SUPT5H: variants seen among roughly 807,000 people sequenced by gnomAD.
The protein encoded by SUPT5H is SPT5 homolog, DSIF elongation factor subunit, also known as transcription elongation factor SPT5.
SUPT5H carries 24 observed loss-of-function variants against 142.5 expected under a neutral mutation model. That is an observed-to-expected ratio of 0.17 (90% CI 0.12 to 0.24). SUPT5H has a LOEUF of 0.24. Ranked by LOEUF, SUPT5H falls within the 10% of genes least tolerant of loss-of-function variation. The probability of loss-of-function intolerance (pLI) is 1.00; values close to 1 mark genes in which losing one functional copy is unlikely to be tolerated. For missense variants in SUPT5H, 893 were observed against 1,471.8 expected, an observed-to-expected ratio of 0.61 and a Z score of 6.43; for synonymous variants, 546 against 553.0, an observed-to-expected ratio of 0.99 and a Z score of 0.18.
intron 10 of SUPT5H, among the ~76,000 whole-genome samples, chr19:39,463,520 A>G (rs554073102): frequency 3.3e-5 from 5 of 152,202 alleles, no homozygotes; most frequent in Non-Finnish European, 5.9e-5. Context: ...TTTATGGCCT[A>G]ACCTGTGGTT....
At position 39,476,506 on chromosome 19, in the gene SUPT5H, G is replaced by T; in HGVS notation, c.*107G>T. The T allele has an allele frequency of 7.1e-7, 1 of 1,418,008 alleles. No individual in the cohort carries two copies. 87.8% of individuals were successfully genotyped at this position (1,418,008 alleles called of 1,614,324 possible). A position where few individuals can be genotyped will look rare whatever the true frequency, so the allele number is the denominator to read the frequency against. ...CCTGCAGGGCTAGGCGGATTGTTCT[G>T]GATTTCCTTTTGTTTTTCCTTTTAG... is the stretch of plus-strand genomic sequence containing the variant. On this transcript the variant is annotated 3_prime_UTR_variant, in exon 30 of 30. Coordinates refer to ENST00000432763, the MANE Select transcript of SUPT5H (RefSeq NM_001111020.3).
At chr19:39,471,316 C>G in intron 18 of SUPT5H, 41 bp from the exon 19 acceptor site, 3 of 1,613,358 alleles carry the variant, frequency 1.9e-6, no homozygotes, top group Middle Eastern at 3.3e-4. Context: ...GTCTCCCCTT[C>G]CCATTCTCAC....
In SUPT5H at chr19:39,458,490, G is replaced by T; in HGVS notation, c.319+185G>T. 1 of 1,094,082 alleles carries T rather than the reference G, an allele frequency of 9.1e-7. No homozygotes were observed. Among genetic ancestry groups the T allele is most frequent in the Non-Finnish European group, 1.3e-6 (1 of 761,092 alleles). The allele number at this position is 1,094,082 out of a possible 1,614,324, so 67.8% of individuals were successfully genotyped here. On this transcript the variant is annotated intron_variant, in intron 5 of 29. Transcript: ENST00000432763. The surrounding 1 kb of genome is among the most constrained non-coding windows in gnomAD (Gnocchi z 4.2). ...CAGGTATACCCCAGTTGTTGACCTG[G>T]GAAAGCACGGATGTGTCTGTCTGGG...
chr19:39,469,802 C>T lies in SUPT5H; in HGVS notation c.1375-317C>T, dbSNP rs765966617. 27 of 464,832 alleles carry T rather than the reference C, an allele frequency of 5.8e-5. No homozygotes were observed. The highest frequency in any genetic ancestry group is 9.6e-5 in the South Asian group (4 of 41,804). 28.8% of individuals were successfully genotyped at this position (464,832 alleles called of 1,614,324 possible). A position where few individuals can be genotyped will look rare whatever the true frequency, so the allele number is the denominator to read the frequency against. ...GTGATGTGTGGGGTGAGGCTGTCTC[C>T]GGGTGGGGCTGAGGAGCTGTCCAGT... is the stretch of plus-strand genomic sequence containing the variant. On this transcript the variant is annotated intron_variant, in intron 16 of 29. Coordinates refer to ENST00000432763, the MANE Select transcript of SUPT5H (RefSeq NM_001111020.3). This position sits in a 1 kb window ranked among gnomAD's most constrained non-coding sequence, Gnocchi z 5.1.
Position 39,470,591 on chromosome 19 carries a change from C to G in SUPT5H, c.1677+68C>G. The G allele has an allele frequency of 1.4e-6, 2 of 1,448,768 alleles. No homozygotes were observed. The highest frequency in any genetic ancestry group is 1.8e-6 in the Non-Finnish European group (2 of 1,096,058). The allele number at this position is 1,448,768 out of a possible 1,614,324, so 89.7% of individuals were successfully genotyped here. Reference sequence around the variant, plus strand: ...GCTTCCTGTCCCTCAACCCCTCATCCTGGGAGGTGGCAGAGCCCCCAGACT... The same window carrying G: ...GCTTCCTGTCCCTCAACCCCTCATCGTGGGAGGTGGCAGAGCCCCCAGACT... On this transcript the variant is annotated intron_variant, in intron 18 of 29. Transcript: ENST00000432763. The surrounding 1 kb of genome is among the most constrained non-coding windows in gnomAD (Gnocchi z 5.8).
intron 28 of SUPT5H, 160 bp from the exon 29 acceptor site, chr19:39,475,921 A>G: frequency 1.5e-6 from 1 of 647,334 alleles, no homozygotes; most frequent in Non-Finnish European, 2.7e-6. Context: ...GACATGCACC[A>G]CAGGCCCCAG....
chr19:39,468,927 G>T, intron 14 of SUPT5H, 66 bp downstream of exon 14: 4 of 1,564,290 alleles, frequency 2.6e-6, no homozygotes, highest in East Asian at 2.2e-5. Context: ...GTGATGCCCT[G>T]GGCTGTGGGT....
At chr19:39,462,632 C>A (rs2079177814) in intron 10 of SUPT5H, among the ~76,000 whole-genome samples, 2 of 152,046 alleles carry the variant, frequency 1.3e-5, no homozygotes, top group South Asian at 4.2e-4. Flanking sequence ...CCAGGCTCAA[C>A]TGATTCTCCT....
chr19:39,445,908 C>G lies in SUPT5H; in HGVS notation c.18C>G (p.Asp6Glu), dbSNP rs1166907346. 6 of 1,613,582 alleles carry G rather than the reference C, an allele frequency of 3.7e-6. No individual in the cohort carries two copies. The Admixed American group carries it at 1.0e-4, about 27-fold the overall frequency. Residue 6 changes from aspartate (D) to glutamate (E), a missense_variant, in exon 2 of 30, where the codon GAC becomes GAG. Asp to Glu is a conservative substitution (Grantham distance 45, BLOSUM62 2). Transcript: ENST00000432763. ...AGCGGAAGATGTCGGACAGCGAGGA[C>G]AGCAACTTTTCCGAGGAGGAGGACA... MSDSE[D>E]SNFSEEEDSE...
rs112386237 is a variant in SUPT5H at position 39,465,545 on chromosome 19, A to G, written c.876+496A>G. ...CCAGGGTGATGTTTCCCCAGGGGACATTTGGTAACGTCTGGAGACATTTTT... is the reference window on the plus strand; with the variant it reads ...CCAGGGTGATGTTTCCCCAGGGGACGTTTGGTAACGTCTGGAGACATTTTT... On this transcript the variant is annotated intron_variant, in intron 11 of 29. Transcript: ENST00000432763. 1.9e-3 allele frequency among the ~76,000 whole-genome samples: 294 copies of G among 152,328 alleles called. 1 individual carries two copies. The highest frequency in any genetic ancestry group is 6.7e-3 in the African/African-American group (278 of 41,556).
chr19:39,470,279 G>T lies in SUPT5H; in HGVS notation c.1530+5G>T. 1 of 1,561,780 alleles carries T rather than the reference G, an allele frequency of 6.4e-7. No homozygotes were observed. On this transcript the variant is annotated splice_donor_5th_base_variant and intron_variant, in intron 17 of 29. Transcript: ENST00000432763. This position sits in a 1 kb window ranked among gnomAD's most constrained non-coding sequence, Gnocchi z 5.8. ...TCTGACCTCACCATGCATGAGGTAG[G>T]TGGATAGAAGGGTCGGGGAAGGGTG...
chr19:39,470,487 G>A lies in SUPT5H; in HGVS notation c.1641G>A (p.Val547=), dbSNP rs778552695. ...TGGTGCAGCTGGATCCCCAGACTGTGGGTGTCATCGTGCGACTAGAACGGG... is the reference window on the plus strand; with the variant it reads ...TGGTGCAGCTGGATCCCCAGACTGTAGGTGTCATCGTGCGACTAGAACGGG... ...GELVQLDPQT[V]GVIVRLERET... is the part of the protein sequence containing the mutation. The change falls in exon 18 of 30, where the codon GTG becomes GTA. Residue 547 remains valine, a synonymous_variant. Transcript: ENST00000432763. This position sits in a 1 kb window ranked among gnomAD's most constrained non-coding sequence, Gnocchi z 5.8. The A allele has an allele frequency of 6.3e-7, 1 of 1,593,556 alleles. No individual in the cohort carries two copies. The highest frequency in any genetic ancestry group is 8.6e-7 in the Non-Finnish European group (1 of 1,169,462).
At chr19:39,464,209 T>C (rs1232936352) in intron 10 of SUPT5H, among the ~76,000 whole-genome samples, 1 of 152,080 alleles carries the variant, frequency 6.6e-6, no homozygotes, top group Non-Finnish European at 1.5e-5. Flanking sequence ...GGTCTTGAAC[T>C]CTTGACCCCA....
At chr19:39,457,915 CA>C in intron 4 of SUPT5H, 175 bp downstream of exon 4, 3 of 1,171,316 alleles carry the variant, frequency 2.6e-6, no homozygotes, top group East Asian at 2.6e-5. Flanking sequence ...CTTTTAGGCC[CA>C]TGAGTGGGGG....
At position 39,473,076 on chromosome 19, in the gene SUPT5H, C is replaced by T; in HGVS notation, c.2220C>T (p.Cys740=). The part of the protein sequence containing the change: ...STARVELHST[C]QTISVDRQRL... ...CCCGTGTGGAGCTGCACTCCACCTG[C>T]CAGACCATCTCTGTGGACCGTCAGC... Residue 740 remains cysteine (C), a synonymous_variant, in exon 23 of 30, where the codon TGC becomes TGT. Coordinates refer to ENST00000432763, the MANE Select transcript of SUPT5H (RefSeq NM_001111020.3). This position sits in a 1 kb window ranked among gnomAD's most constrained non-coding sequence, Gnocchi z 5.8. 1.2e-6 allele frequency: 2 copies of T among 1,613,772 alleles called. No homozygotes were observed. The highest frequency in any genetic ancestry group is 8.5e-7 in the Non-Finnish European group (1 of 1,179,908).
chr19:39,461,384 C>T (rs556259480), intron 10 of SUPT5H, among the ~76,000 whole-genome samples: 1 of 151,922 alleles, frequency 6.6e-6, no homozygotes, highest in Non-Finnish European at 1.5e-5. Context: ...GGTATGATTC[C>T]CCAACAGGGA....
intron 10 of SUPT5H, among the ~76,000 whole-genome samples, chr19:39,462,911 C>T (rs2146103829): frequency 6.8e-6 from 1 of 147,062 alleles, no homozygotes; most frequent in East Asian, 2.0e-4. Context: ...GCGATCTCGG[C>T]TCACCGCAAC....
Position 39,468,738 on chromosome 19 carries a change from TC to T in SUPT5H, c.1038-13del, listed in dbSNP as rs2079277436. The T allele has an allele frequency of 4.4e-6, 7 of 1,605,808 alleles. No homozygotes were observed. Among genetic ancestry groups the T allele is most frequent in the Non-Finnish European group, 6.0e-6 (7 of 1,172,654 alleles). Reference sequence around the variant, plus strand: ...CTTGACTCTCCCTTCTAATCTTCTCTCCCCCATCAAATTCCAGGTCCCTGGG... The same window carrying T: ...CTTGACTCTCCCTTCTAATCTTCTCTCCCCATCAAATTCCAGGTCCCTGGG... On this transcript the variant is annotated splice_polypyrimidine_tract_variant and intron_variant, in intron 13 of 29. Coordinates refer to ENST00000432763, the MANE Select transcript of SUPT5H (RefSeq NM_001111020.3).
chr19:39,446,155 G>T (rs2078951041), intron 2 of SUPT5H, among the ~76,000 whole-genome samples, 190 bp downstream of exon 2: 1 of 152,172 alleles, frequency 6.6e-6, no homozygotes, highest in Admixed American at 6.5e-5. Context: ...CCAGAAATGG[G>T]TCAGGTCCAG....
Sources: allele counts gnomAD v4.1 joint callset (sites outside exome capture counted in the v4.1 genomes callset), GRCh38; gene constraint gnomAD v4.1.1; non-coding constraint Gnocchi (gnomAD v3.1); transcripts MANE v1.5; gene names NCBI Gene and HGNC (gene_info 2026-07-23, HGNC 2026-07-21).